DLG2: variants seen among roughly 807,000 people sequenced by gnomAD.
DLG2 encodes the protein discs large MAGUK scaffold protein 2.
A neutral mutation model predicts 132.5 loss-of-function variants in DLG2; 45 were observed. The observed-to-expected ratio is 0.34, with a 90% CI of 0.27 to 0.44. The LOEUF (loss-of-function observed/expected upper bound fraction) is 0.44. Ranked by LOEUF, DLG2 falls within the 20% of genes least tolerant of loss-of-function variation. The pLI is 1.00. For synonymous variants in DLG2, 424 were observed against 419.6 expected, an observed-to-expected ratio of 1.01 and a Z score of -0.13; for missense variants, 1,045 against 1,196.9, an observed-to-expected ratio of 0.87 and a Z score of 1.87.
intron 9 of DLG2, among the ~76,000 whole-genome samples, chr11:84,135,327 G>T (rs1403769446): frequency 6.6e-6 from 1 of 152,002 alleles, no homozygotes; most frequent in East Asian, 1.9e-4. Context: ...AAGATAACTA[G>T]GATGCTATTT....
intron 3 of DLG2, among the ~76,000 whole-genome samples, chr11:85,434,407 A>T (rs286497): frequency 0.082 from 12,449 of 151,590 alleles, 974 homozygotes; most frequent in East Asian, 0.3. Flanking sequence ...AAAAAATTTT[A>T]AAAAAAAAAT....
intron 6 of DLG2, among the ~76,000 whole-genome samples, chr11:84,699,355 G>A (rs911756266): frequency 2.6e-5 from 4 of 151,466 alleles, no homozygotes; most frequent in Non-Finnish European, 5.9e-5. Context: ...TGATGCACAG[G>A]CTAAATATAA....
intron 4 of DLG2, among the ~76,000 whole-genome samples, chr11:85,274,686 G>A (rs574464340): frequency 1.1e-4 from 16 of 152,054 alleles, no homozygotes; most frequent in Non-Finnish European, 1.8e-4. Context: ...TCCCCAAGGT[G>A]GGTCATAAAA....
At chr11:84,175,406 G>C (rs1206103984) in intron 8 of DLG2, among the ~76,000 whole-genome samples, 5 of 152,064 alleles carry the variant, frequency 3.3e-5, no homozygotes, top group Non-Finnish European at 5.9e-5. Flanking sequence ...TAAATGGATT[G>C]ACTCTTATGC....
chr11:85,244,997 G>A (rs752158543), intron 4 of DLG2, among the ~76,000 whole-genome samples: 5 of 151,850 alleles, frequency 3.3e-5, no homozygotes, highest in Non-Finnish European at 7.4e-5. Flanking sequence ...AGACCAGTGT[G>A]GGAGCTTAGA....
intron 3 of DLG2, among the ~76,000 whole-genome samples, chr11:85,373,463 T>G (rs1469244193): frequency 6.6e-6 from 1 of 152,154 alleles, no homozygotes; most frequent in East Asian, 1.9e-4. Flanking sequence ...TTCATCCTTA[T>G]CCTTAATCTA....
In DLG2 at chr11:85,577,531, G is replaced by T. The variant is rs542733454; in HGVS notation, c.40+21126C>A. On this transcript the variant is annotated intron_variant, in intron 3 of 27. Transcript: ENST00000376104. ...AGGGAGGAATTAAGAGTCCAGTTTT[G>T]GCCATGATAAGTTTCAGAATGCTCG... Among the ~76,000 whole-genome samples the T allele has an allele frequency of 8.5e-5, 13 of 152,166 alleles. No homozygotes were observed. The East Asian group carries it at 2.5e-3, about 29-fold the overall frequency.
At chr11:84,337,638 T>C (rs1302942780) in intron 7 of DLG2, among the ~76,000 whole-genome samples, 1 of 152,204 alleles carries the variant, frequency 6.6e-6, no homozygotes, top group African/African-American at 2.4e-5. Flanking sequence ...TCTAAATGAC[T>C]ATATAATTTG....
intron 6 of DLG2, among the ~76,000 whole-genome samples, chr11:84,600,370 TA>T (rs1481641489): frequency 6.6e-6 from 1 of 152,120 alleles, no homozygotes; most frequent in African/African-American, 2.4e-5. Flanking sequence ...AATTTCAACC[TA>T]AACCCTAAAC....
chr11:83,516,552 T>G (rs906887676), intron 21 of DLG2, among the ~76,000 whole-genome samples: 1 of 152,234 alleles, frequency 6.6e-6, no homozygotes, highest in Non-Finnish European at 1.5e-5. Context: ...TATGTGTGAA[T>G]TTGATCCTGT....
intron 6 of DLG2, among the ~76,000 whole-genome samples, chr11:85,047,389 G>A (rs997316404): frequency 6.6e-6 from 1 of 151,830 alleles, no homozygotes; most frequent in Non-Finnish European, 1.5e-5. Flanking sequence ...TCAATTTTAA[G>A]ACTCCTTTAA....
At chr11:84,605,206 A>T (rs2099583237) in intron 6 of DLG2, among the ~76,000 whole-genome samples, 1 of 151,990 alleles carries the variant, frequency 6.6e-6, no homozygotes, top group African/African-American at 2.4e-5. Context: ...ATGTAACAGT[A>T]CTAGGCAATA....
At chr11:84,815,829 A>G (rs1306709446) in intron 6 of DLG2, among the ~76,000 whole-genome samples, 1 of 152,044 alleles carries the variant, frequency 6.6e-6, no homozygotes, top group Non-Finnish European at 1.5e-5. Context: ...GCTGTTAAAC[A>G]TAGTGTGCCA....
chr11:84,634,205 T>G (rs928340049), intron 6 of DLG2, among the ~76,000 whole-genome samples: 6 of 152,190 alleles, frequency 3.9e-5, no homozygotes, highest in Admixed American at 3.9e-4. Context: ...TTCATCTCCC[T>G]GATTCTCAGT....
chr11:84,065,979 A>G (rs2096664661), intron 10 of DLG2, among the ~76,000 whole-genome samples: 2 of 152,150 alleles, frequency 1.3e-5, no homozygotes, highest in Admixed American at 6.5e-5. Context: ...AAAACCAAAT[A>G]CTCCATGATC....
chr11:83,594,185 A>C (rs1432387676), intron 19 of DLG2, among the ~76,000 whole-genome samples: 1 of 152,182 alleles, frequency 6.6e-6, no homozygotes, highest in Non-Finnish European at 1.5e-5. Context: ...GTGTGTCAGG[A>C]TGCAACCCTT....
At chr11:83,734,317 C>T (rs2091520754) in intron 18 of DLG2, among the ~76,000 whole-genome samples, 2 of 151,708 alleles carry the variant, frequency 1.3e-5, no homozygotes, top group Admixed American at 6.6e-5. Context: ...GAAATCAAAT[C>T]AATTTATGAT....
At chr11:83,817,444 C>T (rs1032683480) in intron 17 of DLG2, among the ~76,000 whole-genome samples, 10 of 152,090 alleles carry the variant, frequency 6.6e-5, no homozygotes, top group African/African-American at 2.2e-4. Flanking sequence ...AGAGATATGG[C>T]TGGACAAGTT....
chr11:84,925,669 TG>T (rs1171720570), intron 6 of DLG2, among the ~76,000 whole-genome samples: 1 of 152,186 alleles, frequency 6.6e-6, no homozygotes, highest in Admixed American at 6.5e-5. Flanking sequence ...TAACTGCCTA[TG>T]CATATTTTTG....
Sources: gnomAD v4.1 joint callset for allele counts (sites outside exome capture counted in the v4.1 genomes callset) on GRCh38, gnomAD v4.1.1 for gene constraint, MANE v1.5 for transcripts, NCBI Gene and HGNC (gene_info 2026-07-23, HGNC 2026-07-21) for gene names.